PGLS: variants seen among roughly 807,000 people sequenced by gnomAD.
PGLS encodes 6-phosphogluconolactonase.
PGLS carries 21 observed loss-of-function variants against 23.2 expected under a neutral mutation model. The ratio of observed to expected loss-of-function variants is 0.91; its 90% CI spans 0.64 to 1.31. The LOEUF is 1.31. Among genes scored for constraint, PGLS ranks in the 50% most tolerant of loss-of-function variants. The pLI, the probability that PGLS is intolerant of heterozygous loss-of-function variation, is 0.00. For synonymous variants in PGLS, 179 were observed against 165.4 expected (o/e 1.08, Z -0.63); for missense variants, 410 against 354.0 (o/e 1.16, Z -1.27).
chr19:17,513,512 TAAA>T (rs34816451), intron 1 of PGLS, among the ~76,000 whole-genome samples: 2 of 137,838 alleles, frequency 1.5e-5, no homozygotes, highest in Admixed American at 7.2e-5. Context: ...GTCTTAAAGA[TAAA>T]AAAAAAAAAA....
At chr19:17,516,098 G>C in intron 1 of PGLS, 75 bp from the exon 2 acceptor site, 1 of 1,094,432 alleles carries the variant, frequency 9.1e-7, no homozygotes, top group Non-Finnish European at 1.4e-6. Flanking sequence ...TGTTATGACG[G>C]TACTGTCATA....
chr19:17,515,586 G>C (rs1027957506), intron 1 of PGLS, among the ~76,000 whole-genome samples: 24 of 152,090 alleles, frequency 1.6e-4, no homozygotes, highest in Non-Finnish European at 3.5e-4. Context: ...AGGTGCAGGC[G>C]GGGGTGGCTG....
chr19:17,515,675 C>T (rs567703185), intron 1 of PGLS: 2 of 154,804 alleles, frequency 1.3e-5, no homozygotes, highest in Non-Finnish European at 2.9e-5. Flanking sequence ...GAGAAGGTTA[C>T]CCTTCTCCAT....
rs1032870851 is a variant in PGLS, at chr19:17,511,868, G to A, written c.196G>A (p.Gly66Arg). 3 of 1,535,548 alleles carry A rather than the reference G, an allele frequency of 2.0e-6. No homozygotes were observed. The highest frequency in any genetic ancestry group is 2.8e-5 in the African/African-American group (2 of 70,660). Residue 66 changes from glycine (G) to arginine (R), a missense_variant, in exon 1 of 5, where the codon GGG becomes AGG. By Grantham distance (125) the Gly-to-Arg change is moderately radical. Coordinates refer to ENST00000252603, the MANE Select transcript of PGLS (RefSeq NM_012088.3). ...GCTACCCGCCGCCGTCGCCCCTGCC[G>A]GGCCAGCTAGCTTAGCGCGCTGGAC... The part of the protein sequence containing the change: ...RELPAAVAPA[G>R]PASLARWTLG...
chr19:17,517,503 C>A, intron 3 of PGLS, 114 bp downstream of exon 3: 1 of 965,380 alleles, frequency 1.0e-6, no homozygotes, highest in South Asian at 1.5e-5. Context: ...GGGTTCAAGT[C>A]AGCCTCCACC....
At chr19:17,513,770 G>A (rs1304984570) in intron 1 of PGLS, among the ~76,000 whole-genome samples, 1 of 152,220 alleles carries the variant, frequency 6.6e-6, no homozygotes, top group African/African-American at 2.4e-5. Flanking sequence ...AGTGAGCTGA[G>A]ATCATGCCAC....
chr19:17,517,188 T>A (rs976537446), intron 2 of PGLS, 100 bp from the exon 3 acceptor site: 6 of 761,494 alleles, frequency 7.9e-6, no homozygotes, highest in Non-Finnish European at 1.4e-5. Flanking sequence ...CAGCCACAGC[T>A]ACTTGTATTT....
At chr19:17,515,231 T>C (rs2075527075) in intron 1 of PGLS, among the ~76,000 whole-genome samples, 1 of 152,162 alleles carries the variant, frequency 6.6e-6, no homozygotes, top group Admixed American at 6.5e-5. Flanking sequence ...CACACCCTCC[T>C]TGGCTCCCCA....
At position 17,511,844 on chromosome 19, in the gene PGLS, C is replaced by G; in HGVS notation, c.172C>G (p.Leu58Val). The G allele has an allele frequency of 6.5e-7, 1 of 1,530,006 alleles. No homozygotes were observed. The highest frequency in any genetic ancestry group is 8.8e-7 in the Non-Finnish European group (1 of 1,142,132). The allele number at this position is 1,530,006 out of a possible 1,614,324, so 94.8% of individuals were successfully genotyped here. A position where few individuals can be genotyped will look rare whatever the true frequency, so the allele number is the denominator to read the frequency against. Residue 58 changes from leucine to valine, a missense_variant, in exon 1 of 5, where the codon CTA becomes GTA. Transcript: ENST00000252603. ...CCTCGTCTCGATGCTAGCCCGCGAG[C>G]TACCCGCCGCCGTCGCCCCTGCCGG... ...GSLVSMLARE[L>V]PAAVAPAGPA...
chr19:17,520,921 T>TA, intron 4 of PGLS, 23 bp from the exon 5 acceptor site: 1 of 1,572,478 alleles, frequency 6.4e-7, no homozygotes, highest in Non-Finnish European at 8.6e-7. Context: ...GGCAGGGCCT[T>TA]ACTCTTCTGC....
intron 4 of PGLS, chr19:17,518,364 GTAT>G (rs893876604): frequency 1.3e-5 from 2 of 151,984 alleles, no homozygotes; most frequent in African/African-American, 4.8e-5. Flanking sequence ...AAATCACGTG[GTAT>G]TATGAATAAA....
At chr19:17,519,246 G>A (rs541369907) in intron 4 of PGLS, among the ~76,000 whole-genome samples, 33 of 150,934 alleles carry the variant, frequency 2.2e-4, no homozygotes, top group East Asian at 1.2e-3. Context: ...CCCGGGAGGC[G>A]GAGGTTGCTG....
chr19:17,517,637 T>C (rs1445812338), intron 3 of PGLS, 73 bp from the exon 4 acceptor site: 10 of 1,525,284 alleles, frequency 6.6e-6, no homozygotes. Flanking sequence ...GGACCAGGCC[T>C]GGTGTGTGTA....
chr19:17,520,654 C>G (rs1030859502), intron 4 of PGLS: 4 of 231,082 alleles, frequency 1.7e-5, no homozygotes, highest in Non-Finnish European at 3.3e-5. Flanking sequence ...TCGCTTGAAA[C>G]CGGGAGGCGG....
At chr19:17,512,146 G>T in intron 1 of PGLS, 186 bp downstream of exon 1, 2 of 626,034 alleles carry the variant, frequency 3.2e-6, no homozygotes, top group Non-Finnish European at 5.2e-6. Flanking sequence ...CGGCTACGTG[G>T]GTCGCTGGGG....
intron 1 of PGLS, among the ~76,000 whole-genome samples, chr19:17,515,479 C>T (rs573277228): frequency 6.6e-6 from 1 of 152,252 alleles, no homozygotes; most frequent in African/African-American, 2.4e-5. Context: ...AAATCTGCTG[C>T]CAACGACTCC....
chr19:17,512,037 C>T, intron 1 of PGLS, 77 bp downstream of exon 1: 1 of 1,419,676 alleles, frequency 7.0e-7, no homozygotes, highest in Non-Finnish European at 9.3e-7. Context: ...ACGGAGGCCG[C>T]CGGGGGCCAT....
At chr19:17,512,208 T>TG (rs2075511850) in intron 1 of PGLS, 4 of 509,708 alleles carry the variant, frequency 7.8e-6, no homozygotes, top group Non-Finnish European at 1.4e-5. Context: ...CGGGGGCCAC[T>TG]GGGGGTCATG....
chr19:17,515,508 C>G (rs1406937791), intron 1 of PGLS, among the ~76,000 whole-genome samples: 1 of 152,160 alleles, frequency 6.6e-6, no homozygotes, highest in Non-Finnish European at 1.5e-5. Context: ...CAGGCCAGGG[C>G]ATCTACTGTG....
Sources: allele counts gnomAD v4.1 joint callset (sites outside exome capture counted in the v4.1 genomes callset), GRCh38; gene constraint gnomAD v4.1.1; transcripts MANE v1.5; gene names NCBI Gene and HGNC (gene_info 2026-07-23, HGNC 2026-07-21).